IQSEC1: variants seen among roughly 807,000 people sequenced by gnomAD.
The protein encoded by IQSEC1 is IQ motif and Sec7 domain ArfGEF 1.
A neutral mutation model predicts 91.0 loss-of-function variants in IQSEC1; 31 were observed. The ratio of observed to expected loss-of-function variants is 0.34; its 90% CI spans 0.26 to 0.46. The LOEUF is 0.46. IQSEC1 is among the 20% of genes least tolerant of loss of function. The pLI, the probability that IQSEC1 is intolerant of heterozygous loss-of-function variation, is 1.00. For synonymous variants in IQSEC1, 699 were observed against 662.6 expected, an observed-to-expected ratio of 1.05 and a Z score of -0.84; for missense variants, 1,388 against 1,575.6, an observed-to-expected ratio of 0.88 and a Z score of 2.02.
At chr3:13,089,911 T>C in intron 2 of IQSEC1, among the ~76,000 whole-genome samples, 1 of 152,232 alleles carries the variant, frequency 6.6e-6, no homozygotes, top group East Asian at 1.9e-4. Context: ...AATTGTACAC[T>C]TTTAAAAACA....
intron 8 of IQSEC1, 146 bp downstream of exon 8, chr3:12,914,958 G>C (rs1274315276): frequency 1.6e-5 from 12 of 767,796 alleles, no homozygotes; most frequent in Non-Finnish European, 2.4e-5. Flanking sequence ...GGGTAATTAC[G>C]AACATCTGAT....
chr3:13,096,868 T>C (rs533017628), intron 2 of IQSEC1, among the ~76,000 whole-genome samples: 14 of 151,034 alleles, frequency 9.3e-5, no homozygotes, highest in East Asian at 1.9e-4. Flanking sequence ...TTCTTTCTTT[T>C]TTTTTTTTTT....
Position 12,901,242 on chromosome 3 carries a change from G to A in IQSEC1, c.3086C>T (p.Thr1029Ile), listed in dbSNP as rs1171050210. The change falls in exon 14 of 14, where the codon ACC becomes ATC. Residue 1029 changes from threonine (T) to isoleucine (I), a missense_variant. Transcript: ENST00000613206. The part of the protein sequence containing the change: ...LPQAAMHGHH[T>I]QYCHMQNPPP... The stretch of plus-strand genomic sequence containing the variant: ...AGGGTTCTGCATGTGGCAGTACTGG[G>A]TGTGATGCCCGTGCATGGCGGCCTG... The A allele has an allele frequency of 1.3e-6, 2 of 1,548,692 alleles. No individual in the cohort carries two copies. Among genetic ancestry groups the A allele is most frequent in the African/African-American group, 1.4e-5 (1 of 72,768 alleles).
intron 1 of IQSEC1, among the ~76,000 whole-genome samples, chr3:13,239,458 C>T (rs764774453): frequency 3.9e-5 from 6 of 152,258 alleles, no homozygotes; most frequent in Admixed American, 6.5e-5. Flanking sequence ...ATCAGAGCCG[C>T]GGACACAGGA....
At chr3:13,070,122 G>T (rs1325261590) in intron 1 of IQSEC1, among the ~76,000 whole-genome samples, 1 of 152,224 alleles carries the variant, frequency 6.6e-6, no homozygotes, top group Non-Finnish European at 1.5e-5. Flanking sequence ...CGCCGGCAGG[G>T]CTCCACTAGG....
chr3:13,092,479 C>T (rs1705879726), intron 2 of IQSEC1, among the ~76,000 whole-genome samples: 1 of 152,194 alleles, frequency 6.6e-6, no homozygotes, highest in South Asian at 2.1e-4. Flanking sequence ...ATGTCCTCTC[C>T]CCATCTGGGT....
rs1169561069 is a variant in IQSEC1 at position 12,967,734 on chromosome 3, C to CGGGGCAGGGCG, written c.24-25880_24-25870dup. The CGGGGCAGGGCG allele has an allele frequency of 2.8e-6, 3 of 1,055,910 alleles. No homozygotes were observed. In the Admixed American group the frequency reaches 1.6e-4, roughly 58 times the overall value. 65.4% of individuals were successfully genotyped at this position (1,055,910 alleles called of 1,614,324 possible). On this transcript the variant is annotated intron_variant, in intron 1 of 13. Transcript: ENST00000613206. This position sits in a 1 kb window ranked among gnomAD's most constrained non-coding sequence, Gnocchi z 5.9. ...CGGAGGAATGTGGCCCTGAAGTGGG[C>CGGGGCAGGGCG]GGGGCAGGGCGGGGGCGGGGCCGGA...
At chr3:12,978,848 T>C (rs1701319948) in intron 1 of IQSEC1, among the ~76,000 whole-genome samples, 2 of 152,136 alleles carry the variant, frequency 1.3e-5, no homozygotes, top group African/African-American at 2.4e-5. Flanking sequence ...AGGCTTCCTG[T>C]AGGAGGTGAT....
intron 2 of IQSEC1, among the ~76,000 whole-genome samples, chr3:13,118,738 G>A (rs1706375502): frequency 6.6e-6 from 1 of 152,150 alleles, no homozygotes; most frequent in African/African-American, 2.4e-5. Context: ...GGTGGTGTTG[G>A]CTGCAAAACA....
At chr3:13,275,162 G>A (rs1175695935) in intron 1 of IQSEC1, among the ~76,000 whole-genome samples, 1 of 152,246 alleles carries the variant, frequency 6.6e-6, no homozygotes, top group East Asian at 1.9e-4. Flanking sequence ...AGCATCAACA[G>A]AGACATGGAG....
chr3:12,986,996 CCTCCTGCCACAAACAGCCG>C (rs1489035850), intron 1 of IQSEC1: 1 of 443,182 alleles, frequency 2.3e-6, no homozygotes, highest in African/African-American at 2.0e-5. Context: ...TGGGTGGGGG[CCTCCTGCCACAAACAGCCG>C]CAGCCTGGCT....
intron 1 of IQSEC1, among the ~76,000 whole-genome samples, chr3:13,060,679 TG>T (rs1349947505): frequency 2.0e-5 from 3 of 152,242 alleles, no homozygotes; most frequent in African/African-American, 7.2e-5. Context: ...TGGGGCAGGG[TG>T]GGGGCCGGTA....
At chr3:13,039,144 T>C (rs1704157375) in intron 1 of IQSEC1, among the ~76,000 whole-genome samples, 1 of 152,240 alleles carries the variant, frequency 6.6e-6, no homozygotes, top group Non-Finnish European at 1.5e-5. Flanking sequence ...TCTGGGAACT[T>C]GGGAGAGGGC....
At chr3:13,038,258 G>GTATA (rs1354129185) in intron 1 of IQSEC1, among the ~76,000 whole-genome samples, 163 of 51,330 alleles carry the variant, frequency 3.2e-3, no homozygotes, top group Non-Finnish European at 4.1e-3. Context: ...ATGTGTGTGT[G>GTATA]TGTGTATATA....
intron 2 of IQSEC1, among the ~76,000 whole-genome samples, chr3:13,163,069 C>T (rs1178130838): frequency 6.6e-6 from 1 of 152,146 alleles, no homozygotes; most frequent in Non-Finnish European, 1.5e-5. Context: ...CTCTCACTCC[C>T]TGGACTCTGG....
chr3:13,088,236 C>T (rs759711975), intron 2 of IQSEC1, among the ~76,000 whole-genome samples: 5 of 152,174 alleles, frequency 3.3e-5, no homozygotes, highest in South Asian at 2.1e-4. Context: ...CAGTGGGTGG[C>T]GAAGGAACAG....
intron 1 of IQSEC1, among the ~76,000 whole-genome samples, chr3:13,258,962 A>T (rs768479818): frequency 2.6e-5 from 4 of 152,104 alleles, no homozygotes; most frequent in Non-Finnish European, 5.9e-5. Context: ...TGCCACCTCC[A>T]TCCCCTTCCC....
At chr3:13,040,826 C>T (rs1006454188) in intron 1 of IQSEC1, among the ~76,000 whole-genome samples, 18 of 152,216 alleles carry the variant, frequency 1.2e-4, no homozygotes, top group Non-Finnish European at 2.4e-4. Flanking sequence ...CAGCTGTCAC[C>T]TCCTCCATGA....
chr3:12,916,281 G>A lies in IQSEC1; in HGVS notation c.2021-548C>T, dbSNP rs527283455. Among the ~76,000 whole-genome samples the A allele has an allele frequency of 1.7e-4, 26 of 152,324 alleles. 2 individuals carry two copies. In the South Asian group the frequency reaches 3.5e-3, roughly 21 times the overall value. On this transcript the variant is annotated intron_variant, in intron 6 of 13. Coordinates refer to ENST00000613206, the MANE Select transcript of IQSEC1 (RefSeq NM_001134382.3). The stretch of plus-strand genomic sequence containing the variant: ...TGAGGAAACGAGGGGCGCCTGGGGC[G>A]TGCCCAGCTCTGCATCTGAGCGGTG...
Sources: gnomAD v4.1 joint callset for allele counts (sites outside exome capture counted in the v4.1 genomes callset) on GRCh38, gnomAD v4.1.1 for gene constraint, Gnocchi (gnomAD v3.1) non-coding constraint, MANE v1.5 for transcripts, NCBI Gene and HGNC (gene_info 2026-07-23, HGNC 2026-07-21) for gene names.